DTNBP1: variants seen among roughly 807,000 people sequenced by gnomAD.
DTNBP1 encodes dysbindin.
A neutral mutation model predicts 42.8 loss-of-function variants in DTNBP1; 35 were observed. The observed-to-expected ratio is 0.82, with a 90% CI of 0.63 to 1.09. DTNBP1 has a LOEUF of 1.09. Ranked by LOEUF, DTNBP1 falls within the 50% of genes least tolerant of loss-of-function variation. The probability of loss-of-function intolerance (pLI) is 0.00; values close to 1 mark genes in which losing one functional copy is unlikely to be tolerated. For missense variants in DTNBP1, 457 were observed against 424.2 expected (o/e 1.08, Z -0.68); for synonymous variants, 171 against 162.2 (o/e 1.05, Z -0.41).
intron 4 of DTNBP1, among the ~76,000 whole-genome samples, chr6:15,636,997 T>C (rs1004102823): frequency 3.9e-5 from 6 of 152,220 alleles, no homozygotes; most frequent in African/African-American, 1.4e-4. Context: ...ACCTACATTT[T>C]CTTCTTATCA....
intron 6 of DTNBP1, among the ~76,000 whole-genome samples, chr6:15,613,420 G>A (rs1370289068): frequency 2.4e-5 from 3 of 126,006 alleles, no homozygotes; most frequent in Admixed American, 1.9e-4. Flanking sequence ...AGGATGGAGT[G>A]CAGTGGCGCG....
At position 15,662,944 on chromosome 6, in the gene DTNBP1, C is replaced by T. The variant is rs915311475; in HGVS notation, c.-75G>A. The T allele has an allele frequency of 1.9e-6, 3 of 1,588,610 alleles. No homozygotes were observed. The highest frequency in any genetic ancestry group is 2.6e-6 in the Non-Finnish European group (3 of 1,171,638). On this transcript the variant is annotated 5_prime_UTR_variant, in exon 1 of 10. Transcript: ENST00000344537. Reference sequence around the variant, plus strand: ...CTGTCGCCCCCTGGGTCCCACGCCGCCAACCCCGCGCTGTCACCGCGCGCC... The same window carrying T: ...CTGTCGCCCCCTGGGTCCCACGCCGTCAACCCCGCGCTGTCACCGCGCGCC...
At chr6:15,530,965 T>C (rs1337538015) in intron 8 of DTNBP1, among the ~76,000 whole-genome samples, 1 of 152,096 alleles carries the variant, frequency 6.6e-6, no homozygotes, top group Non-Finnish European at 1.5e-5. Flanking sequence ...TATGAGGATA[T>C]TTGGAGCTGG....
At chr6:15,662,729 G>A (rs1188145741) in intron 1 of DTNBP1, 85 bp downstream of exon 1, 2 of 1,573,372 alleles carry the variant, frequency 1.3e-6, no homozygotes, top group African/African-American at 2.7e-5. Context: ...CTGGACCGTG[G>A]CGCGGGGAAG....
At chr6:15,546,588 T>C (rs1185826391) in intron 7 of DTNBP1, among the ~76,000 whole-genome samples, 1 of 152,178 alleles carries the variant, frequency 6.6e-6, no homozygotes, top group Non-Finnish European at 1.5e-5. Flanking sequence ...TTCCTGGCCA[T>C]GTGATTGATT....
intron 6 of DTNBP1, among the ~76,000 whole-genome samples, chr6:15,594,711 C>T (rs545616952): frequency 4.0e-5 from 6 of 151,828 alleles, no homozygotes; most frequent in Non-Finnish European, 7.4e-5. Context: ...AGCAATTCCC[C>T]GACGTGGGGA....
intron 5 of DTNBP1, 86 bp from the exon 6 acceptor site, chr6:15,615,485 C>G: frequency 1.3e-6 from 2 of 1,542,950 alleles, no homozygotes; most frequent in Non-Finnish European, 1.8e-6. Flanking sequence ...GGTAAAAGTT[C>G]ACATTGTTGA....
intron 1 of DTNBP1, among the ~76,000 whole-genome samples, chr6:15,662,278 T>C (rs1052314674): frequency 2.0e-5 from 3 of 151,964 alleles, no homozygotes; most frequent in Non-Finnish European, 4.4e-5. Context: ...CGGCCAGCCT[T>C]GCCAAGGGTT....
chr6:15,662,742 A>T, intron 1 of DTNBP1, 72 bp downstream of exon 1: 1 of 1,592,944 alleles, frequency 6.3e-7, no homozygotes, highest in Non-Finnish European at 8.6e-7. Context: ...CGGGGAAGGG[A>T]GCGAGGCAGG....
intron 7 of DTNBP1, among the ~76,000 whole-genome samples, chr6:15,536,273 C>T (rs1454204756): frequency 6.6e-6 from 1 of 152,254 alleles, no homozygotes; most frequent in East Asian, 1.9e-4. Context: ...CAAGACAATG[C>T]GGAAAATGTC....
intron 7 of DTNBP1, among the ~76,000 whole-genome samples, chr6:15,588,660 T>C (rs1213821878): frequency 6.6e-6 from 1 of 152,240 alleles, no homozygotes; most frequent in Non-Finnish European, 1.5e-5. Context: ...CTTGCCTCTC[T>C]GTCCAACTTC....
chr6:15,610,202 G>A (rs943495662), intron 6 of DTNBP1, among the ~76,000 whole-genome samples: 2 of 152,282 alleles, frequency 1.3e-5, no homozygotes, highest in South Asian at 4.1e-4. Context: ...TCACATACGT[G>A]CTTTCAACAC....
At chr6:15,572,222 A>C (rs1299150575) in intron 7 of DTNBP1, among the ~76,000 whole-genome samples, 2 of 152,234 alleles carry the variant, frequency 1.3e-5, no homozygotes, top group African/African-American at 2.4e-5. Context: ...TAGCTGAGCA[A>C]GTAGACTTCA....
At chr6:15,624,531 C>A (rs2743870) in intron 5 of DTNBP1, among the ~76,000 whole-genome samples, 23,370 of 152,056 alleles carry the variant, frequency 0.15, 2,671 homozygotes, top group African/African-American at 0.32. Context: ...GCTCACATAA[C>A]ATAAATCCTT....
At chr6:15,565,279 C>A (rs557732501) in intron 7 of DTNBP1, among the ~76,000 whole-genome samples, 1 of 152,274 alleles carries the variant, frequency 6.6e-6, no homozygotes, top group East Asian at 1.9e-4. Context: ...TTGTCAATTT[C>A]TTTGAAAAGT....
Position 15,662,954 on chromosome 6 carries a change from G to T in DTNBP1, c.-85C>A, listed in dbSNP as rs747619760. 6.4e-7 allele frequency: 1 copy of T among 1,573,196 alleles called. No individual in the cohort carries two copies. The highest frequency in any genetic ancestry group is 1.1e-5 in the South Asian group (1 of 90,256). ...CTGGGTCCCACGCCGCCAACCCCGC[G>T]CTGTCACCGCGCGCCCCGCACTCCC... is the stretch of plus-strand genomic sequence containing the variant. On this transcript the variant is annotated 5_prime_UTR_variant, in exon 1 of 10. Transcript: ENST00000344537.
intron 7 of DTNBP1, among the ~76,000 whole-genome samples, chr6:15,565,089 C>A (rs1174763445): frequency 1.3e-5 from 2 of 152,138 alleles, no homozygotes; most frequent in African/African-American, 4.8e-5. Context: ...CGTGACAGAG[C>A]AAGACCCTGT....
At chr6:15,554,293 G>C (rs1188444224) in intron 7 of DTNBP1, among the ~76,000 whole-genome samples, 4 of 151,864 alleles carry the variant, frequency 2.6e-5, no homozygotes, top group South Asian at 2.1e-4. Context: ...ATGTTGCCTA[G>C]GGTGGTCTTG....
Position 15,593,052 on chromosome 6 carries a change from A to C in DTNBP1, c.511+7T>G. ...TACTTTAAAGTGAAGAATTAACACA[A>C]AATTACCTTTGAAGGTTTCAAGTTC... is the stretch of plus-strand genomic sequence containing the variant. On this transcript the variant is annotated splice_region_variant and intron_variant, in intron 7 of 9. Transcript: ENST00000344537. 6.3e-7 allele frequency: 1 copy of C among 1,589,878 alleles called. No homozygotes were observed. The highest frequency in any genetic ancestry group is 1.3e-5 in the African/African-American group (1 of 74,212).
Sources: gnomAD v4.1 joint callset for allele counts (sites outside exome capture counted in the v4.1 genomes callset) on GRCh38, gnomAD v4.1.1 for gene constraint, MANE v1.5 for transcripts, NCBI Gene and HGNC (gene_info 2026-07-23, HGNC 2026-07-21) for gene names.